ARHGAP10: variants seen among roughly 807,000 people sequenced by gnomAD.
ARHGAP10 encodes the protein Rho GTPase activating protein 10, also known as rho GTPase-activating protein 10.
ARHGAP10 carries 87 observed loss-of-function variants against 108.6 expected under a neutral mutation model. The observed-to-expected ratio is 0.80, with a 90% CI of 0.67 to 0.96. The LOEUF (loss-of-function observed/expected upper bound fraction) is 0.96. Ranked by LOEUF, ARHGAP10 falls within the 40% of genes least tolerant of loss-of-function variation. ARHGAP10 has a pLI of 0.00. For missense variants in ARHGAP10, 939 were observed against 954.5 expected (o/e 0.98, Z 0.21); for synonymous variants, 347 against 341.1 (o/e 1.02, Z -0.19).
At chr4:147,764,467 G>C (rs1729713531) in intron 1 of ARHGAP10, among the ~76,000 whole-genome samples, 1 of 151,374 alleles carries the variant, frequency 6.6e-6, no homozygotes, top group South Asian at 2.1e-4. Context: ...CTCCCATGCA[G>C]TAATAGTGAC....
intron 18 of ARHGAP10, among the ~76,000 whole-genome samples, chr4:147,998,020 T>G (rs1740546409): frequency 1.3e-5 from 2 of 152,088 alleles, no homozygotes; most frequent in Non-Finnish European, 2.9e-5. Context: ...ACTTACATTC[T>G]GAGAGAAGTT....
intron 4 of ARHGAP10, among the ~76,000 whole-genome samples, chr4:147,853,227 C>T (rs561797524): frequency 3.3e-5 from 5 of 152,236 alleles, no homozygotes; most frequent in African/African-American, 9.6e-5. Context: ...ATAGTAGATA[C>T]CCAGAAGGAA....
chr4:147,745,242 T>A (rs1728859366), intron 1 of ARHGAP10: 1 of 152,194 alleles, frequency 6.6e-6, no homozygotes. Context: ...TGCAGAGGGC[T>A]GAGAAGGGAG....
chr4:147,848,652 T>G (rs1733731243), intron 4 of ARHGAP10, among the ~76,000 whole-genome samples: 1 of 152,254 alleles, frequency 6.6e-6, no homozygotes, highest in Admixed American at 6.5e-5. Flanking sequence ...CTTATTTTTC[T>G]CATTTGAATT....
intron 1 of ARHGAP10, among the ~76,000 whole-genome samples, chr4:147,783,356 TTATG>T (rs1730645160): frequency 7.2e-6 from 1 of 138,784 alleles, no homozygotes; most frequent in Non-Finnish European, 1.5e-5. Flanking sequence ...ACACATTAAA[TTATG>T]TATTGTATAA....
intron 18 of ARHGAP10, among the ~76,000 whole-genome samples, chr4:148,020,244 A>G (rs1208733673): frequency 1.3e-5 from 2 of 152,090 alleles, no homozygotes; most frequent in African/African-American, 4.8e-5. Flanking sequence ...CAAGGAATTG[A>G]TTATATATGT....
At chr4:148,019,722 G>A (rs1255613771) in intron 18 of ARHGAP10, among the ~76,000 whole-genome samples, 3 of 151,316 alleles carry the variant, frequency 2.0e-5, no homozygotes, top group Admixed American at 6.6e-5. Flanking sequence ...CCGAGATCGC[G>A]CCATTGCACT....
intron 7 of ARHGAP10, among the ~76,000 whole-genome samples, chr4:147,870,946 G>A (rs200325163): frequency 0.12 from 18,201 of 148,656 alleles, 1,356 homozygotes; most frequent in African/African-American, 0.22. Context: ...GTGTGTGTGT[G>A]TGTGTGTGTG....
chr4:147,837,552 C>A (rs1733217889), intron 3 of ARHGAP10, among the ~76,000 whole-genome samples: 1 of 151,650 alleles, frequency 6.6e-6, no homozygotes, highest in African/African-American at 2.4e-5. Flanking sequence ...CAGTTTGCAC[C>A]AAGAGCCTCA....
chr4:148,004,822 T>C (rs901142189), intron 18 of ARHGAP10, among the ~76,000 whole-genome samples: 2 of 152,242 alleles, frequency 1.3e-5, no homozygotes, highest in African/African-American at 4.8e-5. Flanking sequence ...AGACACAGTT[T>C]AGCTGTGCTT....
At chr4:147,950,854 T>C (rs1289609646) in intron 15 of ARHGAP10, among the ~76,000 whole-genome samples, 1 of 152,174 alleles carries the variant, frequency 6.6e-6, no homozygotes, top group Non-Finnish European at 1.5e-5. Context: ...TTTTGTGATG[T>C]TTCTAGTCAA....
chr4:147,744,578 C>T (rs966875636), intron 1 of ARHGAP10, among the ~76,000 whole-genome samples: 5 of 151,278 alleles, frequency 3.3e-5, no homozygotes, highest in Non-Finnish European at 7.4e-5. Flanking sequence ...TCATCCAGGC[C>T]AGAGACTTTG....
chr4:147,792,544 C>G (rs962256272), intron 1 of ARHGAP10, among the ~76,000 whole-genome samples: 4 of 152,158 alleles, frequency 2.6e-5, no homozygotes, highest in African/African-American at 9.7e-5. Context: ...TTACCAACAA[C>G]TTCCTGTGCT....
chr4:147,899,474 G>T (rs189748549), intron 10 of ARHGAP10, among the ~76,000 whole-genome samples: 1 of 152,148 alleles, frequency 6.6e-6, no homozygotes, highest in East Asian at 1.9e-4. Context: ...GGTTTCATAG[G>T]TTCTCCGTCT....
At chr4:147,911,995 G>A (rs75391232) in intron 12 of ARHGAP10, among the ~76,000 whole-genome samples, 4,790 of 17,344 alleles carry the variant, frequency 0.28, 298 homozygotes, top group African/African-American at 0.34. Context: ...GAACATTCAC[G>A]TGTGTGTGTG....
At chr4:147,969,739 C>T (rs1297543850) in intron 18 of ARHGAP10, among the ~76,000 whole-genome samples, 2 of 152,134 alleles carry the variant, frequency 1.3e-5, no homozygotes, top group African/African-American at 2.4e-5. Context: ...TTTCCAGTAG[C>T]GTCGGCAAGC....
chr4:147,946,901 G>C (rs1348547519), intron 15 of ARHGAP10, among the ~76,000 whole-genome samples, 197 bp downstream of exon 15: 1 of 152,178 alleles, frequency 6.6e-6, no homozygotes, highest in East Asian at 1.9e-4. Context: ...AATTGCAACA[G>C]AACAGAAATT....
At chr4:147,929,148 T>C (rs1737574093) in intron 13 of ARHGAP10, among the ~76,000 whole-genome samples, 1 of 152,228 alleles carries the variant, frequency 6.6e-6, no homozygotes, top group Admixed American at 6.5e-5. Context: ...TGTTATTCAG[T>C]ATTATGTTGA....
intron 13 of ARHGAP10, among the ~76,000 whole-genome samples, chr4:147,937,009 T>G (rs911000293): frequency 4.6e-5 from 7 of 152,188 alleles, no homozygotes; most frequent in Non-Finnish European, 7.3e-5. Context: ...ATCTAGGTTT[T>G]GTACTCCTTA....
Sources: allele counts gnomAD v4.1 joint callset (sites outside exome capture counted in the v4.1 genomes callset), GRCh38; gene constraint gnomAD v4.1.1; transcripts MANE v1.5; gene names NCBI Gene and HGNC (gene_info 2026-07-23, HGNC 2026-07-21).